SCN10A: variants seen among roughly 807,000 people sequenced by gnomAD.
SCN10A encodes sodium voltage-gated channel alpha subunit 10.
SCN10A carries 162 observed loss-of-function variants against 170.7 expected under a neutral mutation model. The ratio of observed to expected loss-of-function variants is 0.95; its 90% CI spans 0.84 to 1.08. The LOEUF is 1.08. Ranked by LOEUF, SCN10A falls within the 50% of genes least tolerant of loss-of-function variation. The pLI, the probability that SCN10A is intolerant of heterozygous loss-of-function variation, is 0.00. For missense variants in SCN10A, 2,527 were observed against 2,436.9 expected (o/e 1.04, Z -0.78); for synonymous variants, 985 against 904.6 (o/e 1.09, Z -1.59).
chr3:38,788,991 C>A lies in SCN10A; in HGVS notation c.435G>T (p.Val145=). The A allele has an allele frequency of 6.2e-7, 1 of 1,612,258 alleles. No individual in the cohort carries two copies. The highest frequency in any genetic ancestry group is 8.5e-7 in the Non-Finnish European group (1 of 1,178,546). ...FITVTILVNC[V]CMTRTDLPEK... The stretch of plus-strand genomic sequence containing the variant: ...CTGGAAGGTCAGTTCGGGTCATGCA[C>A]ACACAATTAACCAAAATAGTGACCG... The change falls in exon 4 of 28, where the codon GTG becomes GTT. Residue 145 remains valine (V), a synonymous_variant. Coordinates refer to ENST00000449082, the MANE Select transcript of SCN10A (RefSeq NM_006514.4).
chr3:38,751,778 T>C (rs2063749536), intron 12 of SCN10A, among the ~76,000 whole-genome samples: 1 of 152,206 alleles, frequency 6.6e-6, no homozygotes, highest in South Asian at 2.1e-4. Context: ...TGTGCTTCTA[T>C]TCAGATCTGT....
At chr3:38,797,882 G>A (rs2064349345) in intron 1 of SCN10A, among the ~76,000 whole-genome samples, 1 of 152,142 alleles carries the variant, frequency 6.6e-6, no homozygotes, top group Non-Finnish European at 1.5e-5. Flanking sequence ...TAATTATTCT[G>A]GGCTACCATA....
chr3:38,735,517 G>C (rs191368319), intron 15 of SCN10A, among the ~76,000 whole-genome samples: 12 of 152,334 alleles, frequency 7.9e-5, no homozygotes, highest in Admixed American at 3.9e-4. Flanking sequence ...ATCAATTACA[G>C]CAGTCCCTAA....
At chr3:38,772,162 C>T (rs916439774) in intron 4 of SCN10A, among the ~76,000 whole-genome samples, 24 of 151,936 alleles carry the variant, frequency 1.6e-4, no homozygotes, top group Admixed American at 1.5e-3. Context: ...AGGCAAACAA[C>T]TCCCCTCCCT....
chr3:38,805,177 G>T (rs894877886), intron 1 of SCN10A, among the ~76,000 whole-genome samples: 1 of 152,146 alleles, frequency 6.6e-6, no homozygotes, highest in African/African-American at 2.4e-5. Flanking sequence ...TGACTTAGCT[G>T]CTTGGCAGAA....
rs1402941672 is a variant in SCN10A, at chr3:38,712,026, A to G, written c.4089+135T>C. ...CTAGCCTCATGGTGTAGTCTGTAGG[A>G]ATAGAGAATGACCTCAGTTCACACT... On this transcript the variant is annotated intron_variant, in intron 23 of 27. Transcript: ENST00000449082. 2.0e-5 allele frequency: 16 copies of G among 803,374 alleles called. No homozygotes were observed. The South Asian group carries it at 2.8e-4, about 14-fold the overall frequency. 49.8% of individuals were successfully genotyped at this position (803,374 alleles called of 1,614,324 possible).
chr3:38,751,529 T>C (rs1430560156), intron 12 of SCN10A, among the ~76,000 whole-genome samples: 3 of 152,220 alleles, frequency 2.0e-5, no homozygotes, highest in African/African-American at 7.2e-5. Flanking sequence ...CAATTCTGTC[T>C]GCAATTGCGC....
At chr3:38,703,540 A>G (rs1343093532) in intron 26 of SCN10A, among the ~76,000 whole-genome samples, 1 of 152,356 alleles carries the variant, frequency 6.6e-6, no homozygotes, top group Middle Eastern at 3.4e-3. Context: ...CACTAAGATC[A>G]TGAATGACTT....
chr3:38,802,785 CA>C (rs1307703588), intron 1 of SCN10A, among the ~76,000 whole-genome samples: 1 of 152,042 alleles, frequency 6.6e-6, no homozygotes, highest in Non-Finnish European at 1.5e-5. Context: ...CAACAAAAGC[CA>C]AAATTGACAA....
chr3:38,725,438 C>T, intron 17 of SCN10A, 124 bp from the exon 18 acceptor site: 5 of 795,024 alleles, frequency 6.3e-6, no homozygotes, highest in Non-Finnish European at 7.7e-6. Flanking sequence ...AACTCATGTA[C>T]ATACATATAT....
chr3:38,706,576 C>G (rs531352324), intron 26 of SCN10A, among the ~76,000 whole-genome samples: 80 of 152,280 alleles, frequency 5.3e-4, no homozygotes, highest in African/African-American at 1.9e-3. Context: ...AAAGTGCTAT[C>G]TTAGGGCCTC....
At chr3:38,714,157 C>T in intron 21 of SCN10A, 77 bp from the exon 22 acceptor site, 2 of 1,562,800 alleles carry the variant, frequency 1.3e-6, no homozygotes, top group Non-Finnish European at 1.8e-6. Flanking sequence ...CAGGAACTCC[C>T]TGCCCAGCCT....
At chr3:38,800,161 ACAACAGACATT>A in intron 1 of SCN10A, among the ~76,000 whole-genome samples, 1 of 152,174 alleles carries the variant, frequency 6.6e-6, no homozygotes, top group African/African-American at 2.4e-5. Flanking sequence ...CAAAGCTCCT[ACAACAGACATT>A]GATGTTCTTA....
In SCN10A at chr3:38,728,737, G is replaced by T. The variant is rs766449347; in HGVS notation, c.2445C>A (p.Asn815Lys). 6.2e-7 allele frequency: 1 copy of T among 1,614,044 alleles called. No individual in the cohort carries two copies. Among genetic ancestry groups the T allele is most frequent in the African/African-American group, 1.3e-5 (1 of 74,920 alleles). Residue 815 changes from asparagine (N) to lysine (K), a missense_variant, in exon 16 of 28, where the codon AAC (asparagine) becomes AAA (lysine). Physicochemically the swap from Asn to Lys is moderately conservative, Grantham distance 94. Coordinates refer to ENST00000449082, the MANE Select transcript of SCN10A (RefSeq NM_006514.4). Reference sequence around the variant, plus strand: ...GGGGCGCGGAGATATTTTTTCGGTTGTTACGGTAGTTTTCCCCTAGGAGCT... The same window carrying T: ...GGGGCGCGGAGATATTTTTTCGGTTTTTACGGTAGTTTTCCCCTAGGAGCT... ...GKQLLGENYR[N>K]NRKNISAPHE...
intron 4 of SCN10A, among the ~76,000 whole-genome samples, chr3:38,788,236 A>G (rs902739946): frequency 2.0e-5 from 3 of 149,728 alleles, no homozygotes; most frequent in African/African-American, 4.9e-5. Flanking sequence ...AAAAAAAAAA[A>G]AAAGAAAGCT....
At chr3:38,732,919 C>A (rs377285775) in intron 15 of SCN10A, among the ~76,000 whole-genome samples, 5 of 152,242 alleles carry the variant, frequency 3.3e-5, no homozygotes, top group African/African-American at 1.2e-4. Flanking sequence ...AGATTCCAGG[C>A]AGTGAGCAAT....
At chr3:38,739,972 T>C (rs1245237258) in intron 14 of SCN10A, among the ~76,000 whole-genome samples, 1 of 152,188 alleles carries the variant, frequency 6.6e-6, no homozygotes, top group Non-Finnish European at 1.5e-5. Context: ...ATTATTATAA[T>C]ATCATTTTGT....
intron 8 of SCN10A, 41 bp from the exon 9 acceptor site, chr3:38,757,200 G>A (rs376077436): frequency 1.9e-6 from 3 of 1,551,780 alleles, no homozygotes; most frequent in Non-Finnish European, 2.6e-6. Context: ...GCTTATTGCA[G>A]ACAAGGTAGC....
rs142644472 is a variant in SCN10A at position 38,712,946 on chromosome 3, T to C, written c.3805-501A>G. On this transcript the variant is annotated intron_variant, in intron 22 of 27. Coordinates refer to ENST00000449082, the MANE Select transcript of SCN10A (RefSeq NM_006514.4). ...TAGAATAAATTTCAAACTATTTCAA[T>C]CTTCGGGTCCTAGTGTTTGTAAAGG... 2.4e-4 allele frequency among the ~76,000 whole-genome samples: 37 copies of C among 152,378 alleles called. No homozygotes were observed. In the East Asian group the frequency reaches 7.1e-3, roughly 29 times the overall value.
Sources: gnomAD v4.1 joint callset for allele counts (sites outside exome capture counted in the v4.1 genomes callset) on GRCh38, gnomAD v4.1.1 for gene constraint, MANE v1.5 for transcripts, NCBI Gene and HGNC (gene_info 2026-07-23, HGNC 2026-07-21) for gene names.